HERC2: variants seen among roughly 807,000 people sequenced by gnomAD.
The protein encoded by HERC2 is E3 ubiquitin-protein ligase HERC2.
In HERC2, 102 loss-of-function variants were observed where a neutral mutation model predicts 537.7. That is an observed-to-expected ratio of 0.19 (90% CI 0.16 to 0.22). HERC2 has a LOEUF of 0.22. Ranked by LOEUF, HERC2 falls within the 10% of genes least tolerant of loss-of-function variation. The probability of loss-of-function intolerance (pLI) is 1.00; values close to 1 mark genes in which losing one functional copy is unlikely to be tolerated. For missense variants in HERC2, 4,236 were observed against 6,198.2 expected (o/e 0.68, Z 10.63); for synonymous variants, 2,224 against 2,466.2 (o/e 0.90, Z 2.91).
intron 3 of HERC2, among the ~76,000 whole-genome samples, chr15:28,295,240 C>T (rs1380511343): frequency 1.4e-5 from 2 of 147,410 alleles, no homozygotes; most frequent in Non-Finnish European, 3.0e-5. Context: ...TAGAACCCAG[C>T]CAGGAACACA....
rs777141562 is a variant in HERC2 at position 28,201,547 on chromosome 15, C to A, written c.7625G>T (p.Gly2542Val). The A allele has an allele frequency of 3.1e-6, 5 of 1,608,700 alleles. No homozygotes were observed. The highest frequency in any genetic ancestry group is 2.6e-6 in the Non-Finnish European group (3 of 1,175,206). The change falls in exon 48 of 93, where the codon GGT becomes GTT. Residue 2542 changes from glycine (G) to valine (V), a missense_variant. Gly to Val is a moderately radical substitution (Grantham distance 109). Coordinates refer to ENST00000261609, the MANE Select transcript of HERC2 (RefSeq NM_004667.6). ...VDDAAYSMST[G>V]AVVTESQTYK... is the part of the protein sequence containing the mutation. ...CGTCTGGCTCTCCGTCACAACAGCA[C>A]CAGTAGACTGCAAGAAATAAATACA...
At chr15:28,211,508 ATC>A (rs1746848259) in intron 43 of HERC2, among the ~76,000 whole-genome samples, 1 of 152,152 alleles carries the variant, frequency 6.6e-6, no homozygotes, top group South Asian at 2.1e-4. Flanking sequence ...CTCTGAGAGA[ATC>A]TGTCAGCCCC....
chr15:28,132,317 G>C (rs1245569803), intron 80 of HERC2, 56 bp from the exon 81 acceptor site: 2 of 1,500,744 alleles, frequency 1.3e-6, no homozygotes, highest in Admixed American at 4.2e-5. Context: ...GCTTGCCACA[G>C]GACTGGCTTC....
chr15:28,293,102 A>G, intron 3 of HERC2, 80 bp from the exon 4 acceptor site: 1 of 1,286,346 alleles, frequency 7.8e-7, no homozygotes, highest in Non-Finnish European at 1.1e-6. Context: ...TCCCTCCCCG[A>G]AAAGTTACAA....
At chr15:28,244,358 A>G (rs983801080) in intron 23 of HERC2, among the ~76,000 whole-genome samples, 1 of 152,236 alleles carries the variant, frequency 6.6e-6, no homozygotes, top group South Asian at 2.1e-4. Context: ...ACTTATATGA[A>G]GTCCGAGAAC....
chr15:28,208,645 G>A (rs543506104), intron 44 of HERC2, among the ~76,000 whole-genome samples: 3 of 152,156 alleles, frequency 2.0e-5, no homozygotes, highest in African/African-American at 4.8e-5. Context: ...ACCACTCATC[G>A]ACAAACCCTG....
intron 4 of HERC2, among the ~76,000 whole-genome samples, chr15:28,287,740 G>GTTTTTTTTTTTTTTTTTTTTTTTTT (rs1461307820): frequency 7.1e-6 from 1 of 141,048 alleles, no homozygotes; most frequent in Non-Finnish European, 1.5e-5. Context: ...TTTTTTTTTG[G>GTTTTTTTTTTTTTTTTTTTTTTTTT]TTTGAGATGG....
intron 35 of HERC2, among the ~76,000 whole-genome samples, chr15:28,225,696 C>CAAAAAAA (rs35629645): frequency 3.4e-5 from 2 of 58,806 alleles, no homozygotes; most frequent in Admixed American, 1.8e-4. Context: ...GACTCCGTCT[C>CAAAAAAA]AAAAAAAAAA....
chr15:28,129,388 T>C (rs1222677504), intron 83 of HERC2, among the ~76,000 whole-genome samples: 1 of 152,088 alleles, frequency 6.6e-6, no homozygotes, highest in Admixed American at 6.5e-5. Context: ...GGAAGCTGGG[T>C]AGAGACTCCA....
chr15:28,167,572 A>C, intron 68 of HERC2, 115 bp downstream of exon 68: 1 of 1,263,282 alleles, frequency 7.9e-7, no homozygotes, highest in Non-Finnish European at 1.1e-6. Context: ...ACAAGTGGAC[A>C]GCCGAGGTGA....
At position 28,116,780 on chromosome 15, in the gene HERC2, C is replaced by T. The variant is rs1031195374; in HGVS notation, c.13494G>A (p.Thr4498=). The change falls in exon 88 of 93, where the codon ACG becomes ACA. Residue 4498 remains threonine (T), a synonymous_variant. Coordinates refer to ENST00000261609, the MANE Select transcript of HERC2 (RefSeq NM_004667.6). The part of the protein sequence containing the change: ...EICEELQNGL[T]PLLIVTPNGR... Reference sequence around the variant, plus strand: ...CGTTGGGTGTCACGATCAGCAGGGGCGTGAGTCCGTTCTGCAGCTCCTCAC... The same window carrying T: ...CGTTGGGTGTCACGATCAGCAGGGGTGTGAGTCCGTTCTGCAGCTCCTCAC... 4.3e-6 allele frequency: 7 copies of T among 1,614,004 alleles called. No homozygotes were observed. The highest frequency in any genetic ancestry group is 3.3e-5 in the Admixed American group (2 of 60,024).
rs1293972887 is a variant in HERC2, at chr15:28,322,162, C to T, written c.-119G>A. ...CTGGCTCAGCCGGCGCCCGCGATCC[C>T]GGCGCCTCTCGCGGCCCGAGGGGCG... On this transcript the variant is annotated 5_prime_UTR_variant, in exon 1 of 93. Coordinates refer to ENST00000261609, the MANE Select transcript of HERC2 (RefSeq NM_004667.6). The T allele has an allele frequency of 1.9e-5, 1 of 53,936 alleles. No homozygotes were observed. The highest frequency in any genetic ancestry group is 8.2e-5 in the African/African-American group (1 of 12,202). The allele number at this position is 53,936 out of a possible 1,614,324, so 3.3% of individuals were successfully genotyped here. A position where few individuals can be genotyped will look rare whatever the true frequency, so the allele number is the denominator to read the frequency against.
chr15:28,131,078 A>G (rs6497277), intron 81 of HERC2, among the ~76,000 whole-genome samples: 147,010 of 152,260 alleles, frequency 0.97, 71,088 homozygotes, highest in Non-Finnish European at 0.99. Context: ...TCCCTATCCC[A>G]CAAGCTGCTC....
chr15:28,297,986 T>A (rs1438961941), intron 3 of HERC2, among the ~76,000 whole-genome samples: 1 of 144,496 alleles, frequency 6.9e-6, no homozygotes, highest in African/African-American at 2.7e-5. Flanking sequence ...AGCCACTCAC[T>A]GTACACGTCT....
chr15:28,150,191 G>A (rs1261421327), intron 70 of HERC2, among the ~76,000 whole-genome samples: 1 of 151,748 alleles, frequency 6.6e-6, no homozygotes, highest in Non-Finnish European at 1.5e-5. Flanking sequence ...AACGCACGCG[G>A]CTGCTAACCG....
At chr15:28,263,812 A>G (rs1297286478) in intron 14 of HERC2, among the ~76,000 whole-genome samples, 1 of 152,118 alleles carries the variant, frequency 6.6e-6, no homozygotes, top group Admixed American at 6.5e-5. Context: ...CGGGCGGATC[A>G]CTTGAGCCCA....
In HERC2 at chr15:28,113,822, G is replaced by A; in HGVS notation, c.13914-144C>T. ...GAGCAGCTCCAGATGGCATGAGCAT[G>A]CTTAGCAGCTCGGCACTGCAGAGCT... On this transcript the variant is annotated intron_variant, in intron 90 of 92. Transcript: ENST00000261609. The surrounding 1 kb of genome is among the most constrained non-coding windows in gnomAD (Gnocchi z 7.0). The A allele has an allele frequency of 1.5e-6, 1 of 676,086 alleles. No homozygotes were observed. The highest frequency in any genetic ancestry group is 2.7e-6 in the Non-Finnish European group (1 of 377,240). 41.9% of individuals were successfully genotyped at this position (676,086 alleles called of 1,614,324 possible).
intron 78 of HERC2, among the ~76,000 whole-genome samples, chr15:28,137,203 T>C (rs896461745): frequency 1.3e-5 from 2 of 152,196 alleles, no homozygotes; most frequent in African/African-American, 4.8e-5. Flanking sequence ...AGAATTCTCC[T>C]GAGAATTGAC....
chr15:28,256,149 C>A lies in HERC2; in HGVS notation c.2686G>T (p.Val896Leu), dbSNP rs748019216. The change falls in exon 18 of 93, where the codon GTG becomes TTG. Residue 896 changes from valine (V) to leucine (L), a missense_variant. Physicochemically the swap from Val to Leu is conservative, Grantham distance 32. This residue lies in a region of HERC2 where 754 missense variants were observed against 1,085.0 expected (regional missense o/e 0.69). Transcript: ENST00000261609. ...CGCTCCTCCGCGGTGGGCAGCAGCA[C>A]GGACCAGCCACTCTGCAGCACGGCC... ...AQAVLQSGWS[V>L]LLPTAEERAR... is the part of the protein sequence containing the mutation. 1.2e-6 allele frequency: 2 copies of A among 1,600,964 alleles called. No individual in the cohort carries two copies. Among genetic ancestry groups the A allele is most frequent in the South Asian group, 1.1e-5 (1 of 90,974 alleles).
Sources: allele counts gnomAD v4.1 joint callset (sites outside exome capture counted in the v4.1 genomes callset), GRCh38; gene constraint gnomAD v4.1.1; regional missense constraint gnomAD v4.1.1; non-coding constraint Gnocchi (gnomAD v3.1); transcripts MANE v1.5; gene names NCBI Gene and HGNC (gene_info 2026-07-23, HGNC 2026-07-21).